The following PRKAR1A variants were observed in gnomAD, a reference collection of about 807,000 sequenced individuals.
PRKAR1A encodes the protein cAMP-dependent protein kinase type I-alpha regulatory subunit.
In PRKAR1A, 3 loss-of-function variants were observed where a neutral mutation model predicts 52.0. The observed-to-expected ratio is 0.06, with a 90% CI of 0.03 to 0.15. The LOEUF (loss-of-function observed/expected upper bound fraction) is 0.15, where lower values mean the gene tolerates loss of function less well. PRKAR1A is among the 10% of genes least tolerant of loss of function. The probability of loss-of-function intolerance (pLI) is 1.00; values close to 1 mark genes in which losing one functional copy is unlikely to be tolerated. For missense variants in PRKAR1A, 240 were observed against 477.4 expected (o/e 0.50, Z 4.63); for synonymous variants, 188 against 168.4 (o/e 1.12, Z -0.90).
In PRKAR1A at chr17:68,531,555, TTA is replaced by T. The variant is rs1438352644; in HGVS notation, c.*1107_*1108del. The T allele has an allele frequency of 1.6e-5, 17 of 1,066,176 alleles. No homozygotes were observed. Among genetic ancestry groups the T allele is most frequent in the African/African-American group, 3.3e-5 (2 of 61,108 alleles). The allele number at this position is 1,066,176 out of a possible 1,614,324, so 66.0% of individuals were successfully genotyped here. ...TTTGGAAGAAGTTTTTTACTTTGGT[TTA>T]GTCTTTTTTTCCTTCCTTTTTATTC... On this transcript the variant is annotated 3_prime_UTR_variant, in exon 11 of 11. Coordinates refer to ENST00000589228, the MANE Select transcript of PRKAR1A (RefSeq NM_002734.5).
the PRKAR1A span, chr17:68,435,728 A>G: frequency 6.2e-7 from 1 of 1,611,186 alleles, no homozygotes; most frequent in Admixed American, 1.7e-5. Context: ...GGTGAAAAGG[A>G]AAAATGGATA....
At chr17:68,500,520 T>C in the PRKAR1A span, among the ~76,000 whole-genome samples, 1 of 151,986 alleles carries the variant, frequency 6.6e-6, no homozygotes, top group Non-Finnish European at 1.5e-5. Context: ...TATTTTTTTT[T>C]TTTTTTTGAG....
At chr17:68,551,092 A>G in exon 12 of PRKAR1A, 1 of 1,234,336 alleles carries the variant, frequency 8.1e-7, no homozygotes, top group Non-Finnish European at 1.0e-6. Context: ...AGGTCACCTC[A>G]TCATCTCAAG....
the PRKAR1A span, among the ~76,000 whole-genome samples, chr17:68,450,016 C>A: frequency 6.6e-6 from 1 of 152,134 alleles, no homozygotes; most frequent in Admixed American, 6.5e-5. Flanking sequence ...GTCTCAAAAA[C>A]AGAAACAACA....
At chr17:68,481,985 G>A in the PRKAR1A span, among the ~76,000 whole-genome samples, 8 of 152,332 alleles carry the variant, frequency 5.3e-5, no homozygotes, top group African/African-American at 1.7e-4. Flanking sequence ...TACCTTTAAG[G>A]AGTTTATAAT....
downstream of PRKAR1A, chr17:68,535,401 C>T (rs1211190198): frequency 2.0e-5 from 9 of 453,892 alleles, no homozygotes; most frequent in East Asian, 6.9e-5. Flanking sequence ...TAGGAGGTGG[C>T]GGGTTTTGAG....
At chr17:68,446,907 GA>G in the PRKAR1A span, among the ~76,000 whole-genome samples, 1 of 152,210 alleles carries the variant, frequency 6.6e-6, no homozygotes, top group Non-Finnish European at 1.5e-5. Flanking sequence ...AACGCAGAGG[GA>G]AACAGAGAGA....
At chr17:68,444,492 C>T in the PRKAR1A span, 12 of 1,612,508 alleles carry the variant, frequency 7.4e-6, no homozygotes, top group Non-Finnish European at 1.0e-5. Context: ...TTGGAGCTCA[C>T]CTGTTGGGTT....
chr17:68,421,799 G>C, the PRKAR1A span: 1 of 1,614,180 alleles, frequency 6.2e-7, no homozygotes, highest in Non-Finnish European at 8.5e-7. Context: ...TTGCCCTTCT[G>C]ATTTCCACGG....
the PRKAR1A span, among the ~76,000 whole-genome samples, chr17:68,487,559 G>A: frequency 6.6e-6 from 1 of 152,138 alleles, no homozygotes; most frequent in African/African-American, 2.4e-5. Context: ...CCTGCACTTT[G>A]GGGGGCCAAG....
chr17:68,428,792 T>C, the PRKAR1A span: 8 of 1,521,518 alleles, frequency 5.3e-6, no homozygotes, highest in African/African-American at 1.1e-4. Flanking sequence ...CACGACCAGC[T>C]CTCGAAAGGC....
At chr17:68,416,347 C>T in the PRKAR1A span, among the ~76,000 whole-genome samples, 1 of 152,244 alleles carries the variant, frequency 6.6e-6, no homozygotes, top group East Asian at 1.9e-4. Flanking sequence ...GATATGGCCC[C>T]AGTCCTTTCT....
intron 11 of PRKAR1A, among the ~76,000 whole-genome samples, chr17:68,548,723 ATATTTTTTTT>A (rs1404082554): frequency 4.2e-5 from 5 of 118,018 alleles, no homozygotes; most frequent in South Asian, 2.8e-4. Flanking sequence ...CTATGCCTGT[ATATTTTTTTT>A]TTTTTTTTTT....
chr17:68,427,763 A>G, the PRKAR1A span, among the ~76,000 whole-genome samples: 1 of 152,168 alleles, frequency 6.6e-6, no homozygotes, highest in Admixed American at 6.5e-5. Flanking sequence ...TTCCCAGTAC[A>G]CACAGGTGAG....
the PRKAR1A span, chr17:68,457,631 C>G: frequency 5.2e-5 from 18 of 343,258 alleles, no homozygotes; most frequent in Admixed American, 5.3e-4. Context: ...CCCTTCTCGC[C>G]CCTCCAGCTG....
the PRKAR1A span, chr17:68,414,171 T>C: frequency 6.6e-6 from 1 of 152,418 alleles, no homozygotes. Context: ...AGATGGCTTT[T>C]ATTACATTGA....
At chr17:68,451,907 C>T in the PRKAR1A span, among the ~76,000 whole-genome samples, 1 of 152,178 alleles carries the variant, frequency 6.6e-6, no homozygotes. Context: ...GCCTTTCTTC[C>T]ACTTGGAAAA....
the PRKAR1A span, chr17:68,436,620 CT>C: frequency 1.4e-6 from 1 of 692,150 alleles, no homozygotes. Context: ...CTGCTTTCCG[CT>C]GATGATTCTT....
At chr17:68,474,383 T>C in the PRKAR1A span, among the ~76,000 whole-genome samples, 1 of 152,168 alleles carries the variant, frequency 6.6e-6, no homozygotes, top group Non-Finnish European at 1.5e-5. Flanking sequence ...ACTTTCTGCG[T>C]TGGACTCCCC....
Sources: gnomAD v4.1 joint callset for allele counts (sites outside exome capture counted in the v4.1 genomes callset) on GRCh38, gnomAD v4.1.1 for gene constraint, MANE v1.5 for transcripts, NCBI Gene and HGNC (gene_info 2026-07-23, HGNC 2026-07-21) for gene names.